ARL6IP6: variants seen among roughly 807,000 people sequenced by gnomAD.
ARL6IP6 encodes the protein ARF like GTPase 6 interacting protein 6.
ARL6IP6 carries 22 observed loss-of-function variants against 21.5 expected under a neutral mutation model. The observed-to-expected ratio is 1.02, with a 90% CI of 0.73 to 1.46. The LOEUF (loss-of-function observed/expected upper bound fraction) is 1.46. ARL6IP6 is among the 40% of genes most tolerant of loss of function. The pLI is 0.00. For missense variants in ARL6IP6, 388 were observed against 299.8 expected (o/e 1.29, Z -2.17); for synonymous variants, 164 against 125.3 (o/e 1.31, Z -2.06).
intron 2 of ARL6IP6, among the ~76,000 whole-genome samples, chr2:152,732,767 G>A (rs1317259785): frequency 1.3e-5 from 2 of 152,020 alleles, no homozygotes. Context: ...GATAGTATTT[G>A]TATATGACCT....
intron 2 of ARL6IP6, among the ~76,000 whole-genome samples, chr2:152,726,012 C>G (rs978457994): frequency 6.6e-6 from 1 of 152,134 alleles, no homozygotes; most frequent in East Asian, 1.9e-4. Context: ...AGATTACAAG[C>G]TTCAGAGGAG....
At position 152,720,546 on chromosome 2, in the gene ARL6IP6, G is replaced by C. The variant is rs1424169019; in HGVS notation, c.414G>C (p.Glu138Asp). The change falls in exon 2 of 4, where the codon GAG (glutamate) becomes GAC (aspartate). Residue 138 changes from glutamate to aspartate, a missense_variant. By Grantham distance (45) the Glu-to-Asp change is conservative. Coordinates refer to ENST00000326446, the MANE Select transcript of ARL6IP6 (RefSeq NM_152522.7). ...TTGTATTTGCAGAGTTGCATGCTGA[G>C]AATTTGAAAAATGAAGATGATGTAG... ...AYLIVKELHA[E>D]NLKNEDDVDT... The C allele has an allele frequency of 6.2e-7, 1 of 1,613,826 alleles. No individual in the cohort carries two copies. Among genetic ancestry groups the C allele is most frequent in the African/African-American group, 1.3e-5 (1 of 74,890 alleles).
At chr2:152,721,073 G>A (rs748435405) in intron 2 of ARL6IP6, among the ~76,000 whole-genome samples, 1 of 152,116 alleles carries the variant, frequency 6.6e-6, no homozygotes, top group African/African-American at 2.4e-5. Context: ...CAGCCTGGGC[G>A]ACAGAGTGAG....
intron 3 of ARL6IP6, among the ~76,000 whole-genome samples, chr2:152,746,993 A>G (rs1701088105): frequency 1.3e-5 from 2 of 150,920 alleles, no homozygotes. Context: ...GCCTGGCTAA[A>G]TTTTTTATTT....
intron 3 of ARL6IP6, among the ~76,000 whole-genome samples, chr2:152,737,160 T>C (rs1309540348): frequency 6.6e-6 from 1 of 152,186 alleles, no homozygotes; most frequent in Non-Finnish European, 1.5e-5. Flanking sequence ...GCACCCTATA[T>C]TGTAGTCACA....
At chr2:152,730,399 G>A (rs1700251724) in intron 2 of ARL6IP6, among the ~76,000 whole-genome samples, 2 of 152,090 alleles carry the variant, frequency 1.3e-5, no homozygotes, top group African/African-American at 4.8e-5. Context: ...TCTTTGTTCT[G>A]GAGAAGTATG....
Position 152,748,093 on chromosome 2 carries a change from T to G in ARL6IP6, c.588-11654T>G, listed in dbSNP as rs553687687. ...AATGAAAAGGGAATTGAGAAAGTTA[T>G]AAAGAACTTTAGAGTAAAAAGTAAG... On this transcript the variant is annotated intron_variant, in intron 3 of 3. Transcript: ENST00000326446. Among the ~76,000 whole-genome samples, 526 of 152,320 alleles carry G rather than the reference T, an allele frequency of 3.5e-3. 2 individuals carry two copies. Among genetic ancestry groups the G allele is most frequent in the African/African-American group, 0.012 (507 of 41,578 alleles).
Position 152,738,627 on chromosome 2 carries a change from T to G in ARL6IP6, c.587+3501T>G, listed in dbSNP as rs1055574469. Among the ~76,000 whole-genome samples the G allele has an allele frequency of 1.1e-4, 16 of 152,286 alleles. 2 individuals are homozygous for G. The Middle Eastern group carries it at 0.01, about 97-fold the overall frequency. On this transcript the variant is annotated intron_variant, in intron 3 of 3. Transcript: ENST00000326446. ...GCACCCTCTGAAGCAACAGTGTACA[T>G]TGACCCCTTTTAGCCACGCCTGGGA...
chr2:152,754,391 A>G (rs1701482036), intron 3 of ARL6IP6, among the ~76,000 whole-genome samples: 1 of 152,126 alleles, frequency 6.6e-6, no homozygotes, highest in South Asian at 2.1e-4. Context: ...ATATTGTGGC[A>G]TATGTCAGTA....
intron 3 of ARL6IP6, among the ~76,000 whole-genome samples, chr2:152,753,324 C>G (rs1701425429): frequency 6.6e-6 from 1 of 152,120 alleles, no homozygotes; most frequent in Admixed American, 6.5e-5. Context: ...GTTCCTCTGA[C>G]CTAAAAATGC....
chr2:152,748,227 G>A (rs1701149476), intron 3 of ARL6IP6, among the ~76,000 whole-genome samples: 1 of 152,088 alleles, frequency 6.6e-6, no homozygotes, highest in Non-Finnish European at 1.5e-5. Context: ...AAATAACAAT[G>A]GTCAAGTTCA....
intron 2 of ARL6IP6, chr2:152,732,583 A>G: frequency 2.2e-6 from 1 of 449,858 alleles, no homozygotes; most frequent in Non-Finnish European, 4.5e-6. Context: ...TTGCAAAGGT[A>G]TGTTTTATTT....
At chr2:152,734,365 A>T (rs1417196704) in intron 2 of ARL6IP6, among the ~76,000 whole-genome samples, 1 of 148,046 alleles carries the variant, frequency 6.8e-6, no homozygotes, top group Non-Finnish European at 1.5e-5. Context: ...AGAAAACTGT[A>T]AAGAGGGGAT....
At chr2:152,739,216 A>ACCTCGTGATCCGCCCACCTTGG (rs1396643135) in intron 3 of ARL6IP6, among the ~76,000 whole-genome samples, 1 of 152,002 alleles carries the variant, frequency 6.6e-6, no homozygotes, top group East Asian at 1.9e-4. Flanking sequence ...CGATCTCCTG[A>ACCTCGTGATCCGCCCACCTTGG]CCTCGTGATC....
At chr2:152,753,117 T>A (rs895715180) in intron 3 of ARL6IP6, among the ~76,000 whole-genome samples, 6 of 151,418 alleles carry the variant, frequency 4.0e-5, no homozygotes. Context: ...CCCGCCTGGG[T>A]AACAGAGTGA....
chr2:152,729,170 G>C (rs912296302), intron 2 of ARL6IP6, among the ~76,000 whole-genome samples: 2 of 152,150 alleles, frequency 1.3e-5, no homozygotes, highest in Non-Finnish European at 2.9e-5. Flanking sequence ...AGGAGTTCAA[G>C]ACCAGCCTAG....
intron 3 of ARL6IP6, among the ~76,000 whole-genome samples, chr2:152,746,174 CATCTGGCTA>C (rs1559238594): frequency 6.6e-6 from 1 of 152,004 alleles, no homozygotes; most frequent in Admixed American, 6.6e-5. Flanking sequence ...TGCGCCACCA[CATCTGGCTA>C]ATCTGGCTAA....
chr2:152,732,433 C>G, intron 2 of ARL6IP6: 2 of 348,816 alleles, frequency 5.7e-6, no homozygotes, highest in Non-Finnish European at 1.2e-5. Context: ...AATTGAGCAT[C>G]TGTTCATGTT....
chr2:152,727,732 T>C (rs1010198054), intron 2 of ARL6IP6, among the ~76,000 whole-genome samples: 23 of 149,204 alleles, frequency 1.5e-4, no homozygotes, highest in Non-Finnish European at 2.4e-4. Context: ...CACAGGTCTG[T>C]AGCATTGGAA....
Sources: allele counts gnomAD v4.1 joint callset (sites outside exome capture counted in the v4.1 genomes callset), GRCh38; gene constraint gnomAD v4.1.1; transcripts MANE v1.5; gene names NCBI Gene and HGNC (gene_info 2026-07-23, HGNC 2026-07-21).